Variants in KIAA0825 observed in about 807,000 individuals in gnomAD.
KIAA0825 encodes the protein uncharacterized protein KIAA0825.
A neutral mutation model predicts 147.6 loss-of-function variants in KIAA0825; 119 were observed. The observed-to-expected ratio is 0.81, with a 90% CI of 0.69 to 0.94. The LOEUF (loss-of-function observed/expected upper bound fraction) is 0.94. KIAA0825 is among the 40% of genes least tolerant of loss of function. KIAA0825 has a pLI of 0.00. For missense variants in KIAA0825, 1,381 were observed against 1,472.7 expected, an observed-to-expected ratio of 0.94 and a Z score of 1.02; for synonymous variants, 470 against 518.1, an observed-to-expected ratio of 0.91 and a Z score of 1.26.
chr5:94,238,211 G>T (rs1299654445), intron 20 of KIAA0825, among the ~76,000 whole-genome samples: 1 of 152,162 alleles, frequency 6.6e-6, no homozygotes, highest in Non-Finnish European at 1.5e-5. Context: ...GAAAAGGCAA[G>T]TGTAGCAAAA....
At chr5:94,454,787 A>AATT in intron 12 of KIAA0825, among the ~76,000 whole-genome samples, 1 of 152,292 alleles carries the variant, frequency 6.6e-6, no homozygotes, top group Non-Finnish European at 1.5e-5. Flanking sequence ...AGAGGGAGAT[A>AATT]ATGAAGGCAA....
At chr5:94,588,513 G>A (rs558027459) in intron 1 of KIAA0825, among the ~76,000 whole-genome samples, 1 of 152,260 alleles carries the variant, frequency 6.6e-6, no homozygotes, top group African/African-American at 2.4e-5. Context: ...AATTAGAATG[G>A]CAATCATTAA....
At chr5:94,453,941 T>A (rs1392477153) in intron 12 of KIAA0825, among the ~76,000 whole-genome samples, 1 of 151,962 alleles carries the variant, frequency 6.6e-6, no homozygotes, top group African/African-American at 2.4e-5. Flanking sequence ...TTATAATTAA[T>A]TTTTTATGCT....
At chr5:94,196,575 AG>A (rs1162143713) in intron 20 of KIAA0825, among the ~76,000 whole-genome samples, 1 of 152,010 alleles carries the variant, frequency 6.6e-6, no homozygotes, top group Admixed American at 6.6e-5. Flanking sequence ...CCAGGTAATG[AG>A]CATAGTATCA....
chr5:94,279,787 A>G (rs1031530669), intron 20 of KIAA0825, among the ~76,000 whole-genome samples: 1 of 152,000 alleles, frequency 6.6e-6, no homozygotes, highest in Admixed American at 6.6e-5. Context: ...TTATAGGAGG[A>G]CCACCACCTA....
chr5:94,363,481 G>C (rs1041363081), intron 20 of KIAA0825, among the ~76,000 whole-genome samples: 3 of 152,044 alleles, frequency 2.0e-5, no homozygotes, highest in Admixed American at 2.0e-4. Context: ...TGAGTGGGTG[G>C]GATTATAAGG....
intron 17 of KIAA0825, among the ~76,000 whole-genome samples, chr5:94,393,066 G>A (rs1247079174): frequency 6.6e-6 from 1 of 152,086 alleles, no homozygotes; most frequent in Non-Finnish European, 1.5e-5. Flanking sequence ...GTATCTCAGT[G>A]TCAGCTCCTG....
intron 20 of KIAA0825, among the ~76,000 whole-genome samples, chr5:94,273,292 G>A (rs955462628): frequency 6.6e-6 from 1 of 152,140 alleles, no homozygotes; most frequent in Non-Finnish European, 1.5e-5. Flanking sequence ...GTGTATATGT[G>A]TACGGAGAGG....
intron 20 of KIAA0825, among the ~76,000 whole-genome samples, chr5:94,291,429 T>C (rs1417658875): frequency 2.0e-5 from 3 of 152,158 alleles, no homozygotes; most frequent in Non-Finnish European, 4.4e-5. Flanking sequence ...GTTGTAGATG[T>C]GTGACATTAT....
At position 94,151,733 on chromosome 5, in the gene KIAA0825, C is replaced by T. The variant is rs192596824; in HGVS notation, c.*2274G>A. Among the ~76,000 whole-genome samples the T allele has an allele frequency of 1.6e-4, 25 of 152,160 alleles. No homozygotes were observed. Among genetic ancestry groups the T allele is most frequent in the Admixed American group, 1.4e-3 (22 of 15,296 alleles). ...GGATTAATACAGGAATATACGAATT[C>T]AATAATAATAGCTTTAAAAGATGAC... On this transcript the variant is annotated 3_prime_UTR_variant, in exon 21 of 21. Coordinates refer to ENST00000682413, the MANE Select transcript of KIAA0825 (RefSeq NM_001145678.3).
At chr5:94,280,991 C>T (rs749175937) in intron 20 of KIAA0825, among the ~76,000 whole-genome samples, 2 of 152,062 alleles carry the variant, frequency 1.3e-5, no homozygotes, top group Non-Finnish European at 2.9e-5. Context: ...TGTGCCCATA[C>T]TATACTTCTA....
In KIAA0825 at chr5:94,214,615, A is replaced by G. The variant is rs1234838930; in HGVS notation, c.3711-60491T>C. Among the ~76,000 whole-genome samples, 3 of 152,114 alleles carry G rather than the reference A, an allele frequency of 2.0e-5. No individual in the cohort carries two copies. In the South Asian group the frequency reaches 6.2e-4, roughly 32 times the overall value. On this transcript the variant is annotated intron_variant, in intron 20 of 20. Coordinates refer to ENST00000682413, the MANE Select transcript of KIAA0825 (RefSeq NM_001145678.3). ...TCTTTATTCTTGCCTCAATCAAACC[A>G]AATTTCTTCCTACCCTCCTTGTAAA...
chr5:94,296,018 G>A (rs554345856), intron 20 of KIAA0825, among the ~76,000 whole-genome samples: 29 of 152,146 alleles, frequency 1.9e-4, no homozygotes, highest in African/African-American at 6.3e-4. Context: ...CTGAAGCTGC[G>A]CCCAAAGCCT....
intron 1 of KIAA0825, among the ~76,000 whole-genome samples, chr5:94,599,331 G>GTTTTTTTTTTT (rs57220290): frequency 3.0e-5 from 3 of 98,514 alleles, no homozygotes; most frequent in Non-Finnish European, 6.1e-5. Context: ...GATTATTTGG[G>GTTTTTTTTTTT]TTTTTTTTTT....
At chr5:94,599,909 T>G in intron 1 of KIAA0825, among the ~76,000 whole-genome samples, 1 of 152,102 alleles carries the variant, frequency 6.6e-6, no homozygotes, top group East Asian at 1.9e-4. Context: ...AACTCTAGAT[T>G]AAGATCAATA....
At chr5:94,384,030 T>C (rs915112296) in intron 20 of KIAA0825, among the ~76,000 whole-genome samples, 2 of 152,174 alleles carry the variant, frequency 1.3e-5, no homozygotes, top group South Asian at 2.1e-4. Flanking sequence ...TCAATAACTT[T>C]TGGTCTTTAC....
chr5:94,433,115 G>A (rs1755905979), intron 14 of KIAA0825, among the ~76,000 whole-genome samples: 1 of 152,156 alleles, frequency 6.6e-6, no homozygotes, highest in Non-Finnish European at 1.5e-5. Flanking sequence ...TTCACTGCAA[G>A]CTCCACCTTC....
intron 20 of KIAA0825, among the ~76,000 whole-genome samples, chr5:94,287,353 T>C (rs1777706621): frequency 1.3e-5 from 2 of 152,188 alleles, no homozygotes; most frequent in Admixed American, 6.5e-5. Context: ...CTTTACTAAA[T>C]GCTTAAAACA....
chr5:94,208,379 A>T (rs928736508), intron 20 of KIAA0825, among the ~76,000 whole-genome samples: 1 of 152,228 alleles, frequency 6.6e-6, no homozygotes, highest in African/African-American at 2.4e-5. Context: ...ATTAACTAAC[A>T]TCTATTATTC....
Sources: gnomAD v4.1 joint callset for allele counts (sites outside exome capture counted in the v4.1 genomes callset) on GRCh38, gnomAD v4.1.1 for gene constraint, MANE v1.5 for transcripts, NCBI Gene and HGNC (gene_info 2026-07-23, HGNC 2026-07-21) for gene names.